TBC1D16: variants seen among roughly 807,000 people sequenced by gnomAD.
TBC1D16 encodes the protein TBC1 domain family member 16, also known as CTD-2529O21.1.
A neutral mutation model predicts 74.7 loss-of-function variants in TBC1D16; 58 were observed. That is an observed-to-expected ratio of 0.78 (90% CI 0.63 to 0.97). The LOEUF is 0.97. TBC1D16 is among the 50% of genes least tolerant of loss of function. The pLI, the probability that TBC1D16 is intolerant of heterozygous loss-of-function variation, is 0.00. For missense variants in TBC1D16, 1,014 were observed against 1,079.5 expected, an observed-to-expected ratio of 0.94 and a Z score of 0.85; for synonymous variants, 493 against 474.7, an observed-to-expected ratio of 1.04 and a Z score of -0.50.
Position 79,979,096 on chromosome 17 carries a change from C to T in TBC1D16, c.780-26278G>A, listed in dbSNP as rs533707705. ...CCAATGAGATGATTCTAAACCAAAG[C>T]GCCCTCGTGGGCTCCACGCTCTCAG... On this transcript the variant is annotated intron_variant, in intron 3 of 11. Coordinates refer to ENST00000310924, the MANE Select transcript of TBC1D16 (RefSeq NM_019020.4). This position sits in a 1 kb window ranked among gnomAD's most constrained non-coding sequence, Gnocchi z 4.8. 3.3e-5 allele frequency among the ~76,000 whole-genome samples: 5 copies of T among 152,354 alleles called. No homozygotes were observed. Among genetic ancestry groups the T allele is most frequent in the African/African-American group, 7.2e-5 (3 of 41,582 alleles).
chr17:79,999,629 G>A (rs576159618), intron 3 of TBC1D16, among the ~76,000 whole-genome samples: 74 of 104,706 alleles, frequency 7.1e-4, no homozygotes, highest in South Asian at 4.4e-3. Context: ...TGCAACCTCC[G>A]CTTCCTGGGT....
At chr17:79,946,209 G>A (rs139889772) in intron 9 of TBC1D16, among the ~76,000 whole-genome samples, 219 of 152,320 alleles carry the variant, frequency 1.4e-3, no homozygotes, top group African/African-American at 5.1e-3. Context: ...TTTTTCCACG[G>A]ACAAGGTAGT....
Position 79,944,940 on chromosome 17 carries a change from G to A in TBC1D16, c.1876C>T (p.Arg626Trp), listed in dbSNP as rs747664357. Residue 626 changes from arginine to tryptophan, a missense_variant, in exon 10 of 12, where the codon CGG (arginine) becomes TGG (tryptophan). Physicochemically the swap from Arg to Trp is moderately radical, Grantham distance 101 (BLOSUM62 -3). Coordinates refer to ENST00000310924, the MANE Select transcript of TBC1D16 (RefSeq NM_019020.4). The surrounding 1 kb of genome is among the most constrained non-coding windows in gnomAD (Gnocchi z 7.7). Reference protein sequence around the residue: ...KREFPEAEALRIWEACWAHYQ... With the variant: ...KREFPEAEALWIWEACWAHYQ... Reference sequence around the variant, plus strand: ...TGGGCCCAGCAGGCCTCCCAGATCCGCAGCGCTTCGGCCTCGGGGAACTCC... The same window carrying A: ...TGGGCCCAGCAGGCCTCCCAGATCCACAGCGCTTCGGCCTCGGGGAACTCC... 26 of 1,552,794 alleles carry A rather than the reference G, an allele frequency of 1.7e-5. No individual in the cohort carries two copies. The highest frequency in any genetic ancestry group is 4.8e-5 in the South Asian group (4 of 84,174).
intron 3 of TBC1D16, among the ~76,000 whole-genome samples, chr17:79,995,317 C>T (rs542676383): frequency 6.6e-6 from 1 of 151,610 alleles, no homozygotes; most frequent in South Asian, 2.1e-4. Flanking sequence ...AAAAATTGTA[C>T]CTATAAGACC....
chr17:80,013,237 G>T, intron 2 of TBC1D16, 130 bp downstream of exon 2: 1 of 897,062 alleles, frequency 1.1e-6, no homozygotes, highest in Non-Finnish European at 1.6e-6. Flanking sequence ...GAGGACAGCT[G>T]CTGTTAGTTA....
chr17:79,978,363 G>A (rs1053570011), intron 3 of TBC1D16, among the ~76,000 whole-genome samples: 2 of 152,188 alleles, frequency 1.3e-5, no homozygotes, highest in Non-Finnish European at 2.9e-5. Context: ...GGGAGGAAGC[G>A]GGCAGGCACA....
chr17:79,947,894 T>G (rs1226425545), intron 8 of TBC1D16, 63 bp from the exon 9 acceptor site: 2 of 1,419,578 alleles, frequency 1.4e-6, no homozygotes, highest in Non-Finnish European at 1.9e-6. Flanking sequence ...CTGCCCAGCC[T>G]GCAGAACCCT....
chr17:80,013,992 CA>C (rs1006043617), intron 1 of TBC1D16, among the ~76,000 whole-genome samples: 8 of 150,086 alleles, frequency 5.3e-5, no homozygotes, highest in East Asian at 2.0e-4. Context: ...GTTTTTTTCA[CA>C]AAAAAAAACG....
chr17:79,957,914 A>T (rs1485704107), intron 3 of TBC1D16, among the ~76,000 whole-genome samples: 1 of 152,112 alleles, frequency 6.6e-6, no homozygotes, highest in Non-Finnish European at 1.5e-5. Flanking sequence ...CACATATATG[A>T]TAAAGATTAA....
chr17:80,010,068 C>T lies in TBC1D16; in HGVS notation c.779+92G>A, dbSNP rs528949289. Reference sequence around the variant, plus strand: ...GTCGGGCAGATGCCTCCAGCGCTCACCTGGCATCACAGGTGACGCAGGTGA... The same window carrying T: ...GTCGGGCAGATGCCTCCAGCGCTCATCTGGCATCACAGGTGACGCAGGTGA... On this transcript the variant is annotated intron_variant, in intron 3 of 11. Coordinates refer to ENST00000310924, the MANE Select transcript of TBC1D16 (RefSeq NM_019020.4). This position sits in a 1 kb window ranked among gnomAD's most constrained non-coding sequence, Gnocchi z 8.8. 4.1e-4 allele frequency: 453 copies of T among 1,117,908 alleles called. 1 individual carries two copies. The African/African-American group carries it at 5.6e-3, about 14-fold the overall frequency. The allele number at this position is 1,117,908 out of a possible 1,614,324, so 69.2% of individuals were successfully genotyped here.
intron 10 of TBC1D16, 35 bp from the exon 11 acceptor site, chr17:79,942,241 G>C: frequency 1.3e-6 from 2 of 1,558,358 alleles, no homozygotes; most frequent in Non-Finnish European, 8.7e-7. Context: ...CACGGGCTCT[G>C]ACCGAGCCCC....
intron 9 of TBC1D16, 63 bp downstream of exon 9, chr17:79,947,582 C>CA: frequency 6.4e-7 from 1 of 1,571,632 alleles, no homozygotes; most frequent in Non-Finnish European, 8.7e-7. Context: ...ACCCCGGCTA[C>CA]AACGGGAGAG....
rs563451395 is a variant in TBC1D16 at position 79,944,211 on chromosome 17, C to T, written c.1908+697G>A. ...CTCTGACGGAGGCTGCTGGAGCTGC[C>T]GTGGTGGATAGAGCCAGCTCCTGCA... is the stretch of plus-strand genomic sequence containing the variant. On this transcript the variant is annotated intron_variant, in intron 10 of 11. Coordinates refer to ENST00000310924, the MANE Select transcript of TBC1D16 (RefSeq NM_019020.4). The surrounding 1 kb of genome is among the most constrained non-coding windows in gnomAD (Gnocchi z 7.7). The T allele has an allele frequency of 5.0e-5, 73 of 1,463,688 alleles. No individual in the cohort carries two copies. The highest frequency in any genetic ancestry group is 8.4e-5 in the African/African-American group (6 of 71,678). 90.7% of individuals were successfully genotyped at this position (1,463,688 alleles called of 1,614,324 possible). A position where few individuals can be genotyped will look rare whatever the true frequency, so the allele number is the denominator to read the frequency against.
chr17:80,031,681 C>A (rs1227478447), intron 1 of TBC1D16, among the ~76,000 whole-genome samples: 2 of 152,116 alleles, frequency 1.3e-5, no homozygotes, highest in Non-Finnish European at 2.9e-5. Flanking sequence ...AATCCCATTT[C>A]CCCCGCAAAG....
In TBC1D16 at chr17:79,955,252, G is replaced by GGGGTACGTCTGGC. The variant is rs2033283300; in HGVS notation, c.780-2447_780-2435dup. 1.1e-4 allele frequency among the ~76,000 whole-genome samples: 16 copies of GGGGTACGTCTGGC among 152,258 alleles called. No individual in the cohort carries two copies. In the South Asian group the frequency reaches 3.3e-3, roughly 32 times the overall value. On this transcript the variant is annotated intron_variant, in intron 3 of 11. Coordinates refer to ENST00000310924, the MANE Select transcript of TBC1D16 (RefSeq NM_019020.4). The stretch of plus-strand genomic sequence containing the variant: ...ATGGAGACCTCAGTTCGCTTTCATT[G>GGGGTACGTCTGGC]GGGTACGTCTGGCAGGTACCCCAGG...
rs779563967 is a variant in TBC1D16 at position 79,986,646 on chromosome 17, C to T, written c.779+23514G>A. On this transcript the variant is annotated intron_variant, in intron 3 of 11. Coordinates refer to ENST00000310924, the MANE Select transcript of TBC1D16 (RefSeq NM_019020.4). The surrounding 1 kb of genome is among the most constrained non-coding windows in gnomAD (Gnocchi z 6.0). ...CAGAGTGACCAGTACCCGCAGCACC[C>T]GAGTTCTTTGCCTCTTATTAAAGGG... 6.6e-6 allele frequency among the ~76,000 whole-genome samples: 1 copy of T among 152,148 alleles called. No homozygotes were observed. The highest frequency in any genetic ancestry group is 2.4e-5 in the African/African-American group (1 of 41,438).
intron 1 of TBC1D16, among the ~76,000 whole-genome samples, chr17:80,034,774 G>A (rs1008754710): frequency 1.3e-5 from 2 of 152,162 alleles, no homozygotes; most frequent in East Asian, 1.9e-4. Flanking sequence ...AAAGTGTTCT[G>A]ATCAATCAGT....
At position 79,940,837 on chromosome 17, in the gene TBC1D16, T is replaced by C. The variant is rs1007557094; in HGVS notation, c.*22A>G. The C allele has an allele frequency of 4.0e-6, 6 of 1,514,176 alleles. No individual in the cohort carries two copies. The highest frequency in any genetic ancestry group is 5.3e-6 in the Non-Finnish European group (6 of 1,123,502). 93.8% of individuals were successfully genotyped at this position (1,514,176 alleles called of 1,614,324 possible). On this transcript the variant is annotated 3_prime_UTR_variant, in exon 12 of 12. Transcript: ENST00000310924. This position sits in a 1 kb window ranked among gnomAD's most constrained non-coding sequence, Gnocchi z 5.4. ...CCTCTGAGGAGGTCCCCTCAACCCC[T>C]GTCCGGTGTCGGGGGCCCGACCTAT...
intron 3 of TBC1D16, among the ~76,000 whole-genome samples, chr17:79,997,316 G>A (rs1019089801): frequency 1.3e-5 from 2 of 152,082 alleles, no homozygotes; most frequent in African/African-American, 4.8e-5. Context: ...CACCATGGGG[G>A]GAAGTGGGTG....
Sources: gnomAD v4.1 joint callset for allele counts (sites outside exome capture counted in the v4.1 genomes callset) on GRCh38, gnomAD v4.1.1 for gene constraint, Gnocchi (gnomAD v3.1) non-coding constraint, MANE v1.5 for transcripts, NCBI Gene and HGNC (gene_info 2026-07-23, HGNC 2026-07-21) for gene names.